The following BCL11A variants were observed in gnomAD, a reference collection of about 807,000 sequenced individuals.
BCL11A encodes the protein BCL11 transcription factor A, also known as B cell CLL/lymphoma 11A.
Under a neutral mutation model 55.9 loss-of-function variants are expected in BCL11A, and 2 were observed. The ratio of observed to expected loss-of-function variants is 0.04; its 90% confidence interval spans 0.01 to 0.11. The LOEUF (loss-of-function observed/expected upper bound fraction) is 0.11, where lower values mean the gene tolerates loss of function less well. Ranked by LOEUF, BCL11A falls within the 10% of genes least tolerant of loss-of-function variation. The pLI, the probability that BCL11A is intolerant of heterozygous loss-of-function variation, is 1.00. For missense variants in BCL11A, 817 were observed against 1,137.1 expected, an observed-to-expected ratio of 0.72 and a Z score of 4.05; for synonymous variants, 465 against 473.4, an observed-to-expected ratio of 0.98 and a Z score of 0.23.
chr2:60,542,149 TTCATGA>T, intron 2 of BCL11A: 1 of 366,848 alleles, frequency 2.7e-6, no homozygotes, highest in Non-Finnish European at 5.0e-6. Flanking sequence ...AATGTCTATG[TTCATGA>T]TTTTAAAGAG....
At chr2:60,462,944 AG>A (rs1676398026) in intron 3 of BCL11A, among the ~76,000 whole-genome samples, 3 of 152,258 alleles carry the variant, frequency 2.0e-5, no homozygotes, top group African/African-American at 7.2e-5. Flanking sequence ...AAAAAGGGGA[AG>A]AAGGTCAACT....
chr2:60,461,441 C>T lies in BCL11A; in HGVS notation c.1471G>A (p.Asp491Asn). 1 of 1,604,144 alleles carries T rather than the reference C, an allele frequency of 6.2e-7. No homozygotes were observed. Among genetic ancestry groups the T allele is most frequent in the Non-Finnish European group, 8.5e-7 (1 of 1,178,970 alleles). Residue 491 changes from aspartate to asparagine, a missense_variant, in exon 4 of 4, where the codon GAC (aspartate) becomes AAC (asparagine). Asp to Asn is a conservative substitution (Grantham distance 23). This residue lies in a region of BCL11A where 379 missense variants were observed against 425.3 expected (regional missense o/e 0.89). Transcript: ENST00000642384. ...TCCTCCTCTTCTTCCTCTTCCTCGT[C>T]GTCCTCCTCTTCCTCCTCGTCCCCG... Reference protein sequence around the residue: ...ENGDEEEEEDDEEEEEEEEEE... With the variant: ...ENGDEEEEEDNEEEEEEEEEE...
chr2:60,452,696 GA>G (rs551839025), downstream of BCL11A: 18,321 of 1,485,530 alleles, frequency 0.012, 133 homozygotes, highest in Non-Finnish European at 0.015. Flanking sequence ...AGAGGAGGGG[GA>G]AAAAAAAAGT....
chr2:60,535,713 G>GAGC (rs1471828191), intron 2 of BCL11A: 1 of 152,262 alleles, frequency 6.6e-6, no homozygotes, highest in East Asian at 1.9e-4. Flanking sequence ...GTTTACTTCT[G>GAGC]AGGAGTGCAA....
chr2:60,508,036 C>A (rs45570331), intron 2 of BCL11A, among the ~76,000 whole-genome samples: 7,021 of 152,156 alleles, frequency 0.046, 224 homozygotes, highest in Non-Finnish European at 0.07. Context: ...TAACTGAGCA[C>A]GACAGATGCA....
At chr2:60,468,692 T>A in intron 3 of BCL11A, 40 bp downstream of exon 3, 1 of 1,467,612 alleles carries the variant, frequency 6.8e-7, no homozygotes, top group Middle Eastern at 1.8e-4. Context: ...CTCATCTCTA[T>A]ACACATGGAC....
chr2:60,537,812 G>A (rs1249006930), intron 2 of BCL11A: 2 of 152,206 alleles, frequency 1.3e-5, no homozygotes, highest in Non-Finnish European at 2.9e-5. Flanking sequence ...AGGCGAGGTA[G>A]GTATACAACA....
At chr2:60,505,682 C>A (rs1025795870) in intron 2 of BCL11A, among the ~76,000 whole-genome samples, 2 of 152,274 alleles carry the variant, frequency 1.3e-5, no homozygotes, top group Admixed American at 1.3e-4. Flanking sequence ...AACGACCCCT[C>A]CACATGCATT....
At chr2:60,488,846 G>A (rs1486211039) in intron 2 of BCL11A, among the ~76,000 whole-genome samples, 7 of 152,164 alleles carry the variant, frequency 4.6e-5, no homozygotes, top group Non-Finnish European at 1.0e-4. Flanking sequence ...CGCAATCTCC[G>A]CCTCCCGGGT....
At chr2:60,536,649 T>G (rs1225696000) in intron 2 of BCL11A, 1 of 152,190 alleles carries the variant, frequency 6.6e-6, no homozygotes, top group Non-Finnish European at 1.5e-5. Context: ...CCTAACTGCC[T>G]TCAAGTGATT....
chr2:60,533,377 C>G (rs553916102), intron 2 of BCL11A: 1 of 152,222 alleles, frequency 6.6e-6, no homozygotes, highest in Admixed American at 6.5e-5. Context: ...GGGGGTGATG[C>G]AAGATAGAAG....
At chr2:60,489,606 G>T (rs1678500282) in intron 2 of BCL11A, among the ~76,000 whole-genome samples, 1 of 152,218 alleles carries the variant, frequency 6.6e-6, no homozygotes, top group South Asian at 2.1e-4. Context: ...GAAGGAAGCT[G>T]AAAAGAAAGT....
chr2:60,552,316 G>C (rs1006665911), intron 1 of BCL11A, among the ~76,000 whole-genome samples: 3 of 151,924 alleles, frequency 2.0e-5, no homozygotes, highest in African/African-American at 7.3e-5. Context: ...AGGTTCGGTC[G>C]GGAGGGGAGG....
chr2:60,533,346 G>C (rs1399566776), intron 2 of BCL11A: 3 of 152,218 alleles, frequency 2.0e-5, no homozygotes, highest in Non-Finnish European at 4.4e-5. Context: ...AGAGAGAGGA[G>C]AGAAAGAGAG....
At chr2:60,500,642 C>T (rs565887728) in intron 2 of BCL11A, among the ~76,000 whole-genome samples, 1 of 152,314 alleles carries the variant, frequency 6.6e-6, no homozygotes, top group South Asian at 2.1e-4. Context: ...ACAGAGACAG[C>T]ACCCTCCACC....
intron 2 of BCL11A, among the ~76,000 whole-genome samples, chr2:60,475,726 G>T (rs1382545584): frequency 1.3e-5 from 2 of 152,116 alleles, no homozygotes; most frequent in Non-Finnish European, 1.5e-5. Context: ...GTGTGTAGTG[G>T]GGGCAGGGGG....
chr2:60,525,614 G>A lies in BCL11A; in HGVS notation c.385+20357C>T, dbSNP rs753323448. On this transcript the variant is annotated intron_variant, in intron 2 of 3. Coordinates refer to ENST00000642384, the MANE Select transcript of BCL11A (RefSeq NM_022893.4). Reference sequence around the variant, plus strand: ...TGTTCATACTATGCTAGAACATCATGGGGACTTAGAGACCCACCCAGTCCA... The same window carrying A: ...TGTTCATACTATGCTAGAACATCATAGGGACTTAGAGACCCACCCAGTCCA... 3.3e-5 allele frequency: 5 copies of A among 152,092 alleles called. No individual in the cohort carries two copies. In the East Asian group the frequency reaches 9.6e-4, roughly 29 times the overall value. The allele number at this position is 152,092 out of a possible 1,614,324, so 9.4% of individuals were successfully genotyped here.
rs1572953138 is a variant in BCL11A at position 60,462,079 on chromosome 2, C to T, written c.833G>A (p.Arg278His). The change falls in exon 4 of 4, where the codon CGC becomes CAC. Residue 278 changes from arginine to histidine, a missense_variant. Coordinates refer to ENST00000642384, the MANE Select transcript of BCL11A (RefSeq NM_022893.4). ...CTCTTCCGCCCCCAGGCGCTCTATG[C>T]GGTGGGGGTCCAAGTGATGTCTCGG... Reference protein sequence around the residue: ...PPPRHHLDPHRIERLGAEEMA... With the variant: ...PPPRHHLDPHHIERLGAEEMA... 2 of 1,571,116 alleles carry T rather than the reference C, an allele frequency of 1.3e-6. No individual in the cohort carries two copies. The highest frequency in any genetic ancestry group is 1.2e-5 in the South Asian group (1 of 83,838).
intron 3 of BCL11A, among the ~76,000 whole-genome samples, chr2:60,462,884 T>A (rs1434392424): frequency 6.6e-6 from 1 of 152,176 alleles, no homozygotes; most frequent in African/African-American, 2.4e-5. Context: ...TATTCCCCCC[T>A]GGGTGACAGG....
Sources: gnomAD v4.1 joint callset for allele counts (sites outside exome capture counted in the v4.1 genomes callset) on GRCh38, gnomAD v4.1.1 for gene constraint, gnomAD v4.1.1 regional missense constraint, MANE v1.5 for transcripts, NCBI Gene and HGNC (gene_info 2026-07-23, HGNC 2026-07-21) for gene names.